The following MAGI1 variants were observed in gnomAD, a reference collection of about 807,000 sequenced individuals.
MAGI1 encodes the protein membrane associated guanylate kinase, WW and PDZ domain containing 1, also known as membrane-associated guanylate kinase, WW and PDZ domain-containing protein 1.
MAGI1 carries 58 observed loss-of-function variants against 139.9 expected under a neutral mutation model. The ratio of observed to expected loss-of-function variants is 0.41; its 90% CI spans 0.34 to 0.52. MAGI1 has a LOEUF of 0.52. Among genes scored for constraint, MAGI1 ranks in the 20% least tolerant of loss-of-function variants. The pLI, the probability that MAGI1 is intolerant of heterozygous loss-of-function variation, is 0.12. For synonymous variants in MAGI1, 812 were observed against 737.9 expected (o/e 1.10, Z -1.63); for missense variants, 1,874 against 1,901.6 (o/e 0.99, Z 0.27).
intron 12 of MAGI1, among the ~76,000 whole-genome samples, chr3:65,426,374 T>C (rs1480135587): frequency 6.6e-6 from 1 of 152,120 alleles, no homozygotes; most frequent in Non-Finnish European, 1.5e-5. Flanking sequence ...AGAACAAATG[T>C]CAAAAACGAG....
At chr3:65,411,730 T>C (rs1945806680) in intron 12 of MAGI1, among the ~76,000 whole-genome samples, 2 of 152,310 alleles carry the variant, frequency 1.3e-5, no homozygotes, top group South Asian at 4.1e-4. Context: ...TCCCAACTGC[T>C]TATTTTTAGT....
At chr3:65,853,924 G>A (rs889712367) in intron 1 of MAGI1, among the ~76,000 whole-genome samples, 2 of 152,062 alleles carry the variant, frequency 1.3e-5, no homozygotes, top group Admixed American at 6.5e-5. Context: ...GGCCAACATG[G>A]TGAAACTTCA....
intron 1 of MAGI1, among the ~76,000 whole-genome samples, chr3:65,780,672 CAGATGAAT>C (rs2038857271): frequency 6.6e-6 from 1 of 152,118 alleles, no homozygotes; most frequent in Non-Finnish European, 1.5e-5. Context: ...TTTGATCCAA[CAGATGAAT>C]AAGCCCCCTA....
intron 1 of MAGI1, among the ~76,000 whole-genome samples, chr3:65,712,380 T>C (rs1374295423): frequency 1.3e-5 from 2 of 149,478 alleles, no homozygotes; most frequent in Non-Finnish European, 3.0e-5. Flanking sequence ...CTGCCAGACA[T>C]GTGAGTCAGG....
At chr3:65,678,034 A>G (rs1021434054) in intron 1 of MAGI1, among the ~76,000 whole-genome samples, 1 of 152,234 alleles carries the variant, frequency 6.6e-6, no homozygotes, top group Non-Finnish European at 1.5e-5. Context: ...GACATGGATG[A>G]AGCTGGAAGC....
intron 18 of MAGI1, 71 bp from the exon 19 acceptor site, chr3:65,365,017 G>A: frequency 3.2e-6 from 4 of 1,230,928 alleles, no homozygotes; most frequent in Non-Finnish European, 4.8e-6. Context: ...GAGGTGTGCA[G>A]AAGCCCTGTA....
At chr3:65,571,237 C>T (rs1203405122) in intron 2 of MAGI1, among the ~76,000 whole-genome samples, 1 of 152,070 alleles carries the variant, frequency 6.6e-6, no homozygotes, top group Non-Finnish European at 1.5e-5. Flanking sequence ...ATTTTCCTCC[C>T]TTTACTCAAC....
intron 2 of MAGI1, among the ~76,000 whole-genome samples, chr3:65,586,197 G>C (rs1480985960): frequency 6.6e-6 from 1 of 151,278 alleles, no homozygotes; most frequent in Non-Finnish European, 1.5e-5. Flanking sequence ...GCAACAGAAA[G>C]AGACCCTGTC....
At chr3:65,549,015 C>G (rs1559660354) in intron 2 of MAGI1, among the ~76,000 whole-genome samples, 1 of 152,148 alleles carries the variant, frequency 6.6e-6, no homozygotes, top group Non-Finnish European at 1.5e-5. Context: ...CTAGGCGGAA[C>G]GAGCCTGCGG....
At position 65,860,116 on chromosome 3, in the gene MAGI1, G is replaced by A. The variant is rs958515211; in HGVS notation, c.313+177880C>T. Among the ~76,000 whole-genome samples the A allele has an allele frequency of 6.6e-5, 10 of 151,852 alleles. No individual in the cohort carries two copies. In the South Asian group the frequency reaches 8.3e-4, roughly 13 times the overall value. On this transcript the variant is annotated intron_variant, in intron 1 of 22. Coordinates refer to ENST00000402939, the MANE Select transcript of MAGI1 (RefSeq NM_001033057.2). The stretch of plus-strand genomic sequence containing the variant: ...TCTTCATGTTGGTCAGACTGGTGTC[G>A]AACTCCCCACCTCAGGTGATCCACC...
intron 17 of MAGI1, among the ~76,000 whole-genome samples, chr3:65,378,685 T>TTCC (rs1470860202): frequency 1.1e-4 from 12 of 107,994 alleles, no homozygotes; most frequent in African/African-American, 6.6e-4. Flanking sequence ...TTCCTTTTCT[T>TTCC]TTTTTTTTTT....
intron 2 of MAGI1, among the ~76,000 whole-genome samples, chr3:65,501,261 A>G (rs2077067825): frequency 6.6e-6 from 1 of 152,026 alleles, no homozygotes; most frequent in Non-Finnish European, 1.5e-5. Context: ...TGGATGGATC[A>G]TGAGGTCAGG....
In MAGI1 at chr3:65,853,422, T is replaced by G. The variant is rs565956061; in HGVS notation, c.313+184574A>C. ...AAGATAAGATCTTAATTCATTCACCTATGCATACTTTGTGCTGACGAAATT... is the reference window on the plus strand; with the variant it reads ...AAGATAAGATCTTAATTCATTCACCGATGCATACTTTGTGCTGACGAAATT... On this transcript the variant is annotated intron_variant, in intron 1 of 22. Coordinates refer to ENST00000402939, the MANE Select transcript of MAGI1 (RefSeq NM_001033057.2). 1.7e-3 allele frequency among the ~76,000 whole-genome samples: 259 copies of G among 152,366 alleles called. 1 individual carries two copies. The highest frequency in any genetic ancestry group is 3.3e-3 in the Non-Finnish European group (227 of 68,038).
At chr3:65,544,192 G>A (rs1006486613) in intron 2 of MAGI1, among the ~76,000 whole-genome samples, 1 of 151,926 alleles carries the variant, frequency 6.6e-6, no homozygotes, top group African/African-American at 2.4e-5. Context: ...TATAATAAAT[G>A]ATGACTACTT....
At chr3:65,897,608 A>G (rs2061030706) in intron 1 of MAGI1, among the ~76,000 whole-genome samples, 1 of 152,118 alleles carries the variant, frequency 6.6e-6, no homozygotes, top group Admixed American at 6.6e-5. Context: ...CCTATGTAAC[A>G]AACCTGCATG....
chr3:65,979,376 A>G (rs1231455021), intron 1 of MAGI1, among the ~76,000 whole-genome samples: 1 of 152,102 alleles, frequency 6.6e-6, no homozygotes, highest in Non-Finnish European at 1.5e-5. Flanking sequence ...TTCCTTCAGG[A>G]GCAGTTGGCT....
intron 1 of MAGI1, among the ~76,000 whole-genome samples, chr3:65,734,906 A>G (rs1454671572): frequency 7.4e-6 from 1 of 135,440 alleles, no homozygotes. Context: ...AGGGAGGAAG[A>G]GAGCGGAGGG....
chr3:65,581,888 TC>T (rs1441161934), intron 2 of MAGI1, among the ~76,000 whole-genome samples: 1 of 152,128 alleles, frequency 6.6e-6, no homozygotes, highest in Non-Finnish European at 1.5e-5. Flanking sequence ...CAATTTTCCT[TC>T]CAATCCTGAA....
At chr3:65,859,825 G>C (rs1344070277) in intron 1 of MAGI1, among the ~76,000 whole-genome samples, 1 of 151,830 alleles carries the variant, frequency 6.6e-6, no homozygotes, top group African/African-American at 2.4e-5. Context: ...AGCAAAATAA[G>C]TAGGTCCCCT....
Sources: allele counts gnomAD v4.1 joint callset (sites outside exome capture counted in the v4.1 genomes callset), GRCh38; gene constraint gnomAD v4.1.1; transcripts MANE v1.5; gene names NCBI Gene and HGNC (gene_info 2026-07-23, HGNC 2026-07-21).